Variants in LRMDA observed in about 807,000 individuals in gnomAD.
LRMDA encodes the protein leucine rich melanocyte differentiation associated.
A neutral mutation model predicts 29.8 loss-of-function variants in LRMDA; 18 were observed. The ratio of observed to expected loss-of-function variants is 0.60; its 90% confidence interval spans 0.42 to 0.90. The LOEUF is 0.90. Among genes scored for constraint, LRMDA ranks in the 40% least tolerant of loss-of-function variants. The pLI is 0.00. For missense variants in LRMDA, 273 were observed against 273.9 expected (o/e 1.00, Z 0.02); for synonymous variants, 125 against 109.4 (o/e 1.14, Z -0.89).
chr10:75,560,263 G>A (rs1340712765), intron 2 of LRMDA, among the ~76,000 whole-genome samples: 4 of 152,030 alleles, frequency 2.6e-5, no homozygotes, highest in African/African-American at 9.7e-5. Context: ...CTTGTAAGTT[G>A]GATTCCTAGG....
intron 5 of LRMDA, among the ~76,000 whole-genome samples, chr10:76,147,549 G>C (rs1487574040): frequency 6.6e-6 from 1 of 152,114 alleles, no homozygotes; most frequent in South Asian, 2.1e-4. Flanking sequence ...GTCCTTTAAG[G>C]ACTTCTCTGC....
intron 2 of LRMDA, among the ~76,000 whole-genome samples, chr10:75,591,887 C>T (rs1840728115): frequency 6.6e-6 from 1 of 152,004 alleles, no homozygotes; most frequent in Admixed American, 6.6e-5. Flanking sequence ...AAAAACGTAT[C>T]AGTCAATTCA....
intron 2 of LRMDA, among the ~76,000 whole-genome samples, chr10:75,714,628 A>G (rs894601605): frequency 1.3e-5 from 2 of 152,212 alleles, no homozygotes; most frequent in Admixed American, 1.3e-4. Context: ...GCAGTCTCCC[A>G]GATTTTCTCT....
At chr10:75,493,693 T>A (rs532578724) in intron 2 of LRMDA, among the ~76,000 whole-genome samples, 4 of 152,202 alleles carry the variant, frequency 2.6e-5, no homozygotes, top group Non-Finnish European at 5.9e-5. Context: ...GCCTTGGAAT[T>A]ACATGTGTGG....
chr10:76,290,956 A>C (rs1840333118), intron 5 of LRMDA, among the ~76,000 whole-genome samples: 1 of 152,216 alleles, frequency 6.6e-6, no homozygotes, highest in Non-Finnish European at 1.5e-5. Flanking sequence ...ACCTCTAATT[A>C]AAATCTTTCA....
At chr10:76,232,897 G>A (rs1156569612) in intron 5 of LRMDA, among the ~76,000 whole-genome samples, 1 of 152,138 alleles carries the variant, frequency 6.6e-6, no homozygotes, top group African/African-American at 2.4e-5. Flanking sequence ...GATTGGTTTG[G>A]GGGTATGCAA....
intron 3 of LRMDA, among the ~76,000 whole-genome samples, chr10:76,036,570 C>G (rs1848250472): frequency 6.6e-6 from 1 of 152,210 alleles, no homozygotes; most frequent in Admixed American, 6.5e-5. Flanking sequence ...TGGGAGGTTT[C>G]TGGAAGGCTC....
At chr10:75,933,304 C>A (rs879728849) in intron 2 of LRMDA, among the ~76,000 whole-genome samples, 1 of 152,170 alleles carries the variant, frequency 6.6e-6, no homozygotes, top group Non-Finnish European at 1.5e-5. Flanking sequence ...TGTCACTCCA[C>A]GCTCATCCAT....
At chr10:76,198,877 A>G (rs1851378160) in intron 5 of LRMDA, among the ~76,000 whole-genome samples, 1 of 152,180 alleles carries the variant, frequency 6.6e-6, no homozygotes, top group Non-Finnish European at 1.5e-5. Context: ...AATAAATCAA[A>G]CTGATTTCTA....
intron 2 of LRMDA, among the ~76,000 whole-genome samples, chr10:75,521,962 G>A (rs559024825): frequency 6.6e-6 from 1 of 152,328 alleles, no homozygotes; most frequent in South Asian, 2.1e-4. Flanking sequence ...TAGAATAAAT[G>A]AGTAGAGAGT....
intron 2 of LRMDA, among the ~76,000 whole-genome samples, chr10:75,529,525 G>T (rs1223648941): frequency 6.6e-6 from 1 of 152,194 alleles, no homozygotes; most frequent in Non-Finnish European, 1.5e-5. Flanking sequence ...GCATCTCCAG[G>T]GTCATGGGCG....
At chr10:75,803,837 G>A (rs1843798475) in intron 2 of LRMDA, among the ~76,000 whole-genome samples, 6 of 152,044 alleles carry the variant, frequency 3.9e-5, no homozygotes, top group Admixed American at 1.3e-4. Context: ...ACCACTGCAC[G>A]CAGTCTCTTT....
chr10:76,430,805 GT>G (rs1330358794), intron 6 of LRMDA, among the ~76,000 whole-genome samples: 2 of 152,210 alleles, frequency 1.3e-5, no homozygotes, highest in South Asian at 2.1e-4. Context: ...GATAGGGTCA[GT>G]GAGTGATTTC....
chr10:75,589,270 T>C (rs1222905495), intron 2 of LRMDA, among the ~76,000 whole-genome samples: 1 of 152,234 alleles, frequency 6.6e-6, no homozygotes, highest in African/African-American at 2.4e-5. Flanking sequence ...ACAGAGCATG[T>C]TATTAAACTT....
intron 6 of LRMDA, among the ~76,000 whole-genome samples, chr10:76,548,593 T>C (rs1018294669): frequency 2.6e-5 from 4 of 152,224 alleles, no homozygotes; most frequent in Non-Finnish European, 5.9e-5. Flanking sequence ...CCTCTCATAT[T>C]TATAATACAT....
intron 2 of LRMDA, among the ~76,000 whole-genome samples, chr10:75,987,945 G>T (rs958470590): frequency 1.3e-5 from 2 of 152,206 alleles, no homozygotes; most frequent in Non-Finnish European, 2.9e-5. Flanking sequence ...AATGAGCAAG[G>T]TTTAAATATT....
At chr10:75,728,426 CTGTGTGTGTGTGTGTGTGTGTGTGTGTG>C (rs34902461) in intron 2 of LRMDA, among the ~76,000 whole-genome samples, 1 of 138,192 alleles carries the variant, frequency 7.2e-6, no homozygotes, top group Non-Finnish European at 1.6e-5. Flanking sequence ...ATACGTGGCT[CTGTGTGTGTGTGTGTGTGTGTGTGTGTG>C]TGTGTGTGTG....
chr10:76,055,371 A>C (rs186873504), intron 4 of LRMDA, among the ~76,000 whole-genome samples: 1 of 152,226 alleles, frequency 6.6e-6, no homozygotes, highest in Non-Finnish European at 1.5e-5. Context: ...AGACCTCTAA[A>C]CTATTCTCTC....
chr10:76,179,181 TA>T (rs1178838564), intron 5 of LRMDA, among the ~76,000 whole-genome samples: 4 of 151,908 alleles, frequency 2.6e-5, no homozygotes, highest in African/African-American at 9.7e-5. Context: ...GATGACTGAT[TA>T]AAAAAAAGTT....
Sources: allele counts gnomAD v4.1 joint callset (sites outside exome capture counted in the v4.1 genomes callset), GRCh38; gene constraint gnomAD v4.1.1; transcripts MANE v1.5; gene names NCBI Gene and HGNC (gene_info 2026-07-23, HGNC 2026-07-21).